IFT25: variants seen among roughly 807,000 people sequenced by gnomAD.
IFT25 encodes intraflagellar transport protein 25 homolog.
the IFT25 span, among the ~76,000 whole-genome samples, chr1:53,914,684 G>A: frequency 1.3e-5 from 2 of 152,078 alleles, no homozygotes; most frequent in Admixed American, 1.3e-4. Context: ...CTACATGCAT[G>A]TTTAAAACTT....
chr1:53,913,378 A>T, the IFT25 span, among the ~76,000 whole-genome samples: 4 of 152,146 alleles, frequency 2.6e-5, no homozygotes, highest in Admixed American at 2.0e-4. Flanking sequence ...CTCTTCAAAG[A>T]ATCCTTGTTG....
At chr1:53,929,947 TGGAAAAAATGAAAGGATA>T in the IFT25 span, 1 of 1,438,790 alleles carries the variant, frequency 7.0e-7, no homozygotes. Flanking sequence ...CTTCTGCCTG[TGGAAAAAATGAAAGGATA>T]ATGAAAACTA....
chr1:53,915,237 C>G, the IFT25 span, among the ~76,000 whole-genome samples: 8 of 152,132 alleles, frequency 5.3e-5, no homozygotes, highest in Non-Finnish European at 1.0e-4. Flanking sequence ...GCAAAAAAAC[C>G]CCCTGCCTTG....
chr1:53,917,827 C>CA, the IFT25 span, among the ~76,000 whole-genome samples: 3 of 149,286 alleles, frequency 2.0e-5, no homozygotes, highest in African/African-American at 4.9e-5. Flanking sequence ...AACTCCGTCT[C>CA]AAAAAAGAAA....
the IFT25 span, among the ~76,000 whole-genome samples, chr1:53,941,461 T>C: frequency 1.3e-5 from 2 of 152,250 alleles, no homozygotes; most frequent in South Asian, 2.1e-4. Flanking sequence ...CTTTCTATTA[T>C]ATTTTAAAAA....
the IFT25 span, among the ~76,000 whole-genome samples, chr1:53,942,215 A>C: frequency 9.9e-5 from 15 of 152,154 alleles, no homozygotes; most frequent in Admixed American, 9.8e-4. Context: ...AAAAGTAAAA[A>C]CCTATACTCA....
chr1:53,943,618 T>C, the IFT25 span, among the ~76,000 whole-genome samples: 6 of 152,134 alleles, frequency 3.9e-5, no homozygotes, highest in East Asian at 7.7e-4. Context: ...GTTGGAGATG[T>C]AGGGAGAGAA....
the IFT25 span, among the ~76,000 whole-genome samples, chr1:53,932,755 G>T: frequency 0.018 from 2,717 of 152,220 alleles, 89 homozygotes; most frequent in African/African-American, 0.062. Context: ...TCGTAGAGAT[G>T]GGGTTTTGTC....
chr1:53,941,982 C>T, the IFT25 span, among the ~76,000 whole-genome samples: 1 of 152,136 alleles, frequency 6.6e-6, no homozygotes, highest in Non-Finnish European at 1.5e-5. Flanking sequence ...AGTGGCTATA[C>T]TCAAAGAATG....
At chr1:53,919,445 A>G in the IFT25 span, among the ~76,000 whole-genome samples, 1 of 152,172 alleles carries the variant, frequency 6.6e-6, no homozygotes, top group Non-Finnish European at 1.5e-5. Context: ...AGGCACCTAG[A>G]TCCCTAACCT....
chr1:53,931,503 A>T, the IFT25 span, among the ~76,000 whole-genome samples: 1 of 152,204 alleles, frequency 6.6e-6, no homozygotes, highest in Admixed American at 6.5e-5. Context: ...TTTGTGGAAG[A>T]CTGGTATTTC....
the IFT25 span, among the ~76,000 whole-genome samples, chr1:53,942,251 G>C: frequency 6.6e-6 from 1 of 152,178 alleles, no homozygotes; most frequent in African/African-American, 2.4e-5. Flanking sequence ...CATCATACAA[G>C]GGTTGGTCTA....
chr1:53,921,578 A>C, the IFT25 span: 1 of 839,298 alleles, frequency 1.2e-6, no homozygotes, highest in Non-Finnish European at 2.0e-6. Context: ...AAATCCTTTT[A>C]ATAAAGTATA....
At chr1:53,913,601 C>T in the IFT25 span, among the ~76,000 whole-genome samples, 8 of 152,218 alleles carry the variant, frequency 5.3e-5, no homozygotes, top group East Asian at 1.5e-3. Context: ...CAGGGAAATC[C>T]CCTTCAGTTA....
the IFT25 span, among the ~76,000 whole-genome samples, chr1:53,931,838 T>G: frequency 6.6e-6 from 1 of 152,226 alleles, no homozygotes; most frequent in African/African-American, 2.4e-5. Context: ...GTCTATTTTG[T>G]TGATTTCTGC....
At chr1:53,937,463 T>G in the IFT25 span, among the ~76,000 whole-genome samples, 1 of 152,184 alleles carries the variant, frequency 6.6e-6, no homozygotes, top group South Asian at 2.1e-4. Flanking sequence ...AATTATATTT[T>G]CTGGAACTGC....
chr1:53,943,780 C>T, the IFT25 span, among the ~76,000 whole-genome samples: 1 of 151,996 alleles, frequency 6.6e-6, no homozygotes, highest in South Asian at 2.1e-4. Flanking sequence ...TGCACCACCA[C>T]GGCCGGCTAA....
chr1:53,944,630 G>T, the IFT25 span, among the ~76,000 whole-genome samples: 2 of 152,166 alleles, frequency 1.3e-5, no homozygotes, highest in African/African-American at 4.8e-5. Context: ...GGCGACGAGC[G>T]ATTATGTCTC....
the IFT25 span, among the ~76,000 whole-genome samples, chr1:53,919,626 GT>G: frequency 1.3e-5 from 2 of 152,192 alleles, no homozygotes; most frequent in South Asian, 4.1e-4. Flanking sequence ...CTTTGAAGTG[GT>G]TTGTAACAGA....
Sources: allele counts gnomAD v4.1 joint callset (sites outside exome capture counted in the v4.1 genomes callset), GRCh38; gene constraint gnomAD v4.1.1; transcripts MANE v1.5; gene names NCBI Gene and HGNC (gene_info 2026-07-23, HGNC 2026-07-21).